AGBL1: variants seen among roughly 807,000 people sequenced by gnomAD.
The protein encoded by AGBL1 is AGBL carboxypeptidase 1.
In AGBL1, 130 loss-of-function variants were observed where a neutral mutation model predicts 118.9. That is an observed-to-expected ratio of 1.09 (90% CI 0.95 to 1.26). The LOEUF (loss-of-function observed/expected upper bound fraction) is 1.26. Among genes scored for constraint, AGBL1 ranks in the 50% most tolerant of loss-of-function variants. AGBL1 has a pLI of 0.00. For synonymous variants in AGBL1, 555 were observed against 478.9 expected, an observed-to-expected ratio of 1.16 and a Z score of -2.08; for missense variants, 1,584 against 1,298.1, an observed-to-expected ratio of 1.22 and a Z score of -3.38.
At chr15:86,319,235 T>A (rs1241464265) in intron 17 of AGBL1, among the ~76,000 whole-genome samples, 1 of 152,148 alleles carries the variant, frequency 6.6e-6, no homozygotes, top group South Asian at 2.1e-4. Flanking sequence ...TGTTTAACTT[T>A]ACTAGGGAAT....
intron 22 of AGBL1, among the ~76,000 whole-genome samples, chr15:86,749,973 T>A (rs556124084): frequency 6.6e-6 from 1 of 152,282 alleles, no homozygotes; most frequent in Admixed American, 6.5e-5. Flanking sequence ...AAAATTCTCT[T>A]TTTTTGTTGT....
intron 9 of AGBL1, among the ~76,000 whole-genome samples, chr15:86,260,238 A>G (rs982696466): frequency 2.6e-5 from 4 of 152,240 alleles, no homozygotes; most frequent in African/African-American, 9.6e-5. Context: ...GAAGTCAGGC[A>G]TATTTTATTT....
At chr15:86,817,924 A>T (rs1260562678) in intron 22 of AGBL1, among the ~76,000 whole-genome samples, 1 of 152,190 alleles carries the variant, frequency 6.6e-6, no homozygotes, top group Non-Finnish European at 1.5e-5. Context: ...GAAAGAAGAC[A>T]GTCATGTGAC....
At chr15:86,544,413 G>C (rs1309241142) in intron 19 of AGBL1, among the ~76,000 whole-genome samples, 1 of 152,158 alleles carries the variant, frequency 6.6e-6, no homozygotes, top group Non-Finnish European at 1.5e-5. Flanking sequence ...TTGACCAAAA[G>C]ATGCTACATA....
At chr15:86,718,314 C>T (rs1310767136) in intron 22 of AGBL1, among the ~76,000 whole-genome samples, 1 of 152,034 alleles carries the variant, frequency 6.6e-6, no homozygotes, top group Non-Finnish European at 1.5e-5. Context: ...TGCATGTTCT[C>T]ACTCATAGGT....
chr15:86,787,750 G>A (rs2078434940), intron 22 of AGBL1, among the ~76,000 whole-genome samples: 1 of 152,192 alleles, frequency 6.6e-6, no homozygotes, highest in Non-Finnish European at 1.5e-5. Context: ...GATATGTCCA[G>A]CAGAGAGATT....
At chr15:86,985,084 T>C (rs1402906985) in intron 23 of AGBL1, among the ~76,000 whole-genome samples, 1 of 152,246 alleles carries the variant, frequency 6.6e-6, no homozygotes, top group African/African-American at 2.4e-5. Context: ...CCTAATTTTA[T>C]TGCAAAATAG....
rs139312661 is a variant in AGBL1, at chr15:86,972,859, GT to G, written c.3222-15120del. ...ACAATCTGACAAGTAATTTTTCTGAGTTTTTTTTCTGACAATGGTAGATCCA... is the reference window on the plus strand; with the variant it reads ...ACAATCTGACAAGTAATTTTTCTGAGTTTTTTTCTGACAATGGTAGATCCA... On this transcript the variant is annotated intron_variant, in intron 23 of 24. Transcript: ENST00000441037. 4.0e-5 allele frequency among the ~76,000 whole-genome samples: 6 copies of G among 151,762 alleles called. No individual in the cohort carries two copies. The East Asian group carries it at 1.2e-3, about 29-fold the overall frequency.
chr15:86,819,061 G>T (rs531864154), intron 22 of AGBL1, among the ~76,000 whole-genome samples: 22 of 151,874 alleles, frequency 1.4e-4, no homozygotes, highest in Admixed American at 1.2e-3. Flanking sequence ...CAGCATTTTT[G>T]TCTGGAAGTC....
intron 5 of AGBL1, among the ~76,000 whole-genome samples, chr15:86,163,153 G>A (rs918968465): frequency 1.3e-5 from 2 of 152,170 alleles, no homozygotes; most frequent in African/African-American, 4.8e-5. Flanking sequence ...AAATTCAAAC[G>A]AGGCTGAGCA....
chr15:86,503,662 T>G (rs2082942521), intron 18 of AGBL1, among the ~76,000 whole-genome samples: 1 of 151,472 alleles, frequency 6.6e-6, no homozygotes. Context: ...TATTTTCTAA[T>G]TTATATTGTA....
chr15:86,634,856 AT>A (rs778668641), intron 21 of AGBL1, among the ~76,000 whole-genome samples: 1 of 152,092 alleles, frequency 6.6e-6, no homozygotes, highest in African/African-American at 2.4e-5. Context: ...ATGTTGCCGC[AT>A]TTGTTTTATC....
intron 5 of AGBL1, among the ~76,000 whole-genome samples, chr15:86,212,927 G>A (rs146437021): frequency 1.9e-3 from 290 of 152,318 alleles, no homozygotes; most frequent in Middle Eastern, 6.8e-3. Context: ...TGGGATTACA[G>A]GCATGGGCCA....
intron 21 of AGBL1, among the ~76,000 whole-genome samples, chr15:86,664,122 G>T (rs1327599197): frequency 6.6e-6 from 1 of 152,146 alleles, no homozygotes; most frequent in Non-Finnish European, 1.5e-5. Flanking sequence ...CTTTTTTGCA[G>T]TTACTAAGGA....
intron 22 of AGBL1, among the ~76,000 whole-genome samples, chr15:86,868,945 C>G (rs1596570347): frequency 6.6e-6 from 1 of 152,118 alleles, no homozygotes; most frequent in African/African-American, 2.4e-5. Context: ...AGTGGCACGT[C>G]CACCTTGGCT....
intron 18 of AGBL1, among the ~76,000 whole-genome samples, chr15:86,409,522 TC>T (rs1278724256): frequency 6.6e-6 from 1 of 152,178 alleles, no homozygotes; most frequent in Non-Finnish European, 1.5e-5. Flanking sequence ...TTTGCCTTCC[TC>T]AGACATTGCC....
In AGBL1 at chr15:86,215,842, T is replaced by A. The variant is rs546582573; in HGVS notation, c.489-9072T>A. The stretch of plus-strand genomic sequence containing the variant: ...CAGTTTGAACGGGTCCTAGAGTGGA[T>A]ATGGATGTGTCATTTTGGGGACTAC... On this transcript the variant is annotated intron_variant, in intron 5 of 22. Transcript: ENST00000614907. Among the ~76,000 whole-genome samples the A allele has an allele frequency of 3.3e-5, 5 of 152,312 alleles. No homozygotes were observed. The South Asian group carries it at 1.0e-3, about 32-fold the overall frequency.
At chr15:86,732,581 T>C (rs1490388019) in intron 22 of AGBL1, among the ~76,000 whole-genome samples, 1 of 152,202 alleles carries the variant, frequency 6.6e-6, no homozygotes, top group African/African-American at 2.4e-5. Flanking sequence ...TAGTACTCTT[T>C]TGAAAATTAA....
Position 86,839,157 on chromosome 15 carries a change from C to T in AGBL1, c.3159-67930C>T, listed in dbSNP as rs957213406. Among the ~76,000 whole-genome samples the T allele has an allele frequency of 2.0e-5, 3 of 151,936 alleles. No homozygotes were observed. In the East Asian group the frequency reaches 5.8e-4, roughly 29 times the overall value. On this transcript the variant is annotated intron_variant, in intron 22 of 22. Transcript: ENST00000614907. ...TTACATTGTTGACAGTAAATGAACA[C>T]CCAGCTGCATTCATCTCTCATTTAG...
Sources: allele counts gnomAD v4.1 joint callset (sites outside exome capture counted in the v4.1 genomes callset), GRCh38; gene constraint gnomAD v4.1.1; transcripts MANE v1.5; gene names NCBI Gene and HGNC (gene_info 2026-07-23, HGNC 2026-07-21).